PRKAA1: variants seen among roughly 807,000 people sequenced by gnomAD.
The protein encoded by PRKAA1 is 5'-AMP-activated protein kinase catalytic subunit alpha-1.
Under a neutral mutation model 56.9 loss-of-function variants are expected in PRKAA1, and 23 were observed. That is an observed-to-expected ratio of 0.40 (90% CI 0.29 to 0.57). The LOEUF is 0.57. Ranked by LOEUF, PRKAA1 falls within the 20% of genes least tolerant of loss-of-function variation. The probability of loss-of-function intolerance (pLI) is 0.39; values close to 1 mark genes in which losing one functional copy is unlikely to be tolerated. For synonymous variants in PRKAA1, 226 were observed against 227.0 expected, an observed-to-expected ratio of 1.00 and a Z score of 0.04; for missense variants, 413 against 679.7, an observed-to-expected ratio of 0.61 and a Z score of 4.36.
At chr5:40,782,114 G>A (rs1401306989) in intron 1 of PRKAA1, among the ~76,000 whole-genome samples, 1 of 152,272 alleles carries the variant, frequency 6.6e-6, no homozygotes, top group East Asian at 1.9e-4. Context: ...CACAATACTG[G>A]ATAATACTGG....
rs535980948 is a variant in PRKAA1 at position 40,797,724 on chromosome 5, C to T, written c.127+339G>A. 2.1e-4 allele frequency among the ~76,000 whole-genome samples: 32 copies of T among 152,332 alleles called. No individual in the cohort carries two copies. The East Asian group carries it at 6.2e-3, about 29-fold the overall frequency. ...CCGCCTCCCCGGGGATCGCGCCCGG[C>T]GCCCCCTCCCAGCACCCAGAGCGCG... is the stretch of plus-strand genomic sequence containing the variant. On this transcript the variant is annotated intron_variant, in intron 1 of 8. Coordinates refer to ENST00000397128, the MANE Select transcript of PRKAA1 (RefSeq NM_006251.6).
chr5:40,798,127 C>T lies in PRKAA1; in HGVS notation c.63G>A (p.Arg21=). The T allele has an allele frequency of 6.2e-7, 1 of 1,607,932 alleles. No individual in the cohort carries two copies. Among genetic ancestry groups the T allele is most frequent in the Non-Finnish European group, 8.5e-7 (1 of 1,176,666 alleles). The part of the protein sequence containing the change: ...ATAEKQKHDG[R]VKIGHYILGD... ...CCAGAATGTAGTGGCCGATCTTCACCCGCCCGTCGTGTTTCTGCTTCTCGG... is the reference window on the plus strand; with the variant it reads ...CCAGAATGTAGTGGCCGATCTTCACTCGCCCGTCGTGTTTCTGCTTCTCGG... Residue 21 remains arginine (R), a synonymous_variant, in exon 1 of 9, where the codon CGG becomes CGA. Transcript: ENST00000397128.
chr5:40,759,450 T>A lies in PRKAA1; in HGVS notation c.*3328A>T, dbSNP rs542821753. ...ATCAAGGAAGCTGAAATTATATACT[T>A]AAATATACTCTGGTCAAAATATACA... On this transcript the variant is annotated 3_prime_UTR_variant, in exon 9 of 9. Coordinates refer to ENST00000397128, the MANE Select transcript of PRKAA1 (RefSeq NM_006251.6). 1.3e-5 allele frequency: 2 copies of A among 152,440 alleles called. No individual in the cohort carries two copies. Among genetic ancestry groups the A allele is most frequent in the South Asian group, 4.1e-4 (2 of 4,822 alleles). 9.4% of individuals were successfully genotyped at this position (152,440 alleles called of 1,614,324 possible).
At chr5:40,775,294 A>C in intron 3 of PRKAA1, 116 bp downstream of exon 3, 2 of 772,242 alleles carry the variant, frequency 2.6e-6, no homozygotes, top group South Asian at 3.0e-5. Flanking sequence ...CAAATATATG[A>C]CTAAGGGAAC....
At chr5:40,783,524 G>A (rs748328279) in intron 1 of PRKAA1, among the ~76,000 whole-genome samples, 36 of 152,200 alleles carry the variant, frequency 2.4e-4, no homozygotes, top group African/African-American at 8.4e-4. Context: ...TTTGGAGGAC[G>A]AGGTGGGTGG....
intron 4 of PRKAA1, among the ~76,000 whole-genome samples, chr5:40,770,261 G>C (rs1743670185): frequency 6.6e-6 from 1 of 152,110 alleles, no homozygotes; most frequent in South Asian, 2.1e-4. Context: ...TCAGGAGTTC[G>C]AGTCCGGCCT....
At chr5:40,782,770 C>T (rs968104852) in intron 1 of PRKAA1, among the ~76,000 whole-genome samples, 12 of 152,064 alleles carry the variant, frequency 7.9e-5, no homozygotes, top group African/African-American at 2.9e-4. Flanking sequence ...GTGGTAACTA[C>T]GGAATAGGGA....
chr5:40,772,626 C>T (rs1488780772), intron 3 of PRKAA1, among the ~76,000 whole-genome samples: 2 of 149,594 alleles, frequency 1.3e-5, no homozygotes, highest in Admixed American at 6.7e-5. Flanking sequence ...TTTGGGGGGG[C>T]GGGGTTTTAA....
chr5:40,767,282 C>T (rs909612166), intron 6 of PRKAA1, among the ~76,000 whole-genome samples, 184 bp downstream of exon 6: 4 of 152,110 alleles, frequency 2.6e-5, no homozygotes, highest in Non-Finnish European at 4.4e-5. Flanking sequence ...AATCTTACTT[C>T]CCTAAGGTAA....
Position 40,761,415 on chromosome 5 carries a change from A to G in PRKAA1, c.*1363T>C, listed in dbSNP as rs1743181184. 1 of 152,172 alleles carries G rather than the reference A, an allele frequency of 6.6e-6. No individual in the cohort carries two copies. Among genetic ancestry groups the G allele is most frequent in the Non-Finnish European group, 1.5e-5 (1 of 68,000 alleles). The allele number at this position is 152,172 out of a possible 1,614,324, so 9.4% of individuals were successfully genotyped here. Reference sequence around the variant, plus strand: ...AACATCCAAATGGTTCAGGGGGAAAAAAGCATATATACATACACAAACAAA... The same window carrying G: ...AACATCCAAATGGTTCAGGGGGAAAGAAGCATATATACATACACAAACAAA... On this transcript the variant is annotated 3_prime_UTR_variant, in exon 9 of 9. Transcript: ENST00000397128.
chr5:40,769,294 T>G (rs1177311699), intron 5 of PRKAA1, 122 bp downstream of exon 5: 1 of 771,366 alleles, frequency 1.3e-6, no homozygotes, highest in Non-Finnish European at 2.1e-6. Flanking sequence ...TAAATGTGGT[T>G]AAGAATAAGC....
Position 40,762,969 on chromosome 5 carries a change from C to A in PRKAA1, c.1489G>T (p.Val497Phe). The A allele has an allele frequency of 3.7e-6, 6 of 1,614,140 alleles. No individual in the cohort carries two copies. Among genetic ancestry groups the A allele is most frequent in the Non-Finnish European group, 5.1e-6 (6 of 1,180,012 alleles). Reference sequence around the variant, plus strand: ...CTTTGGCAAGATCGATAGTTGCTAACTGATCCCGATCTCTGTGGAGTAGCA... The same window carrying A: ...CTTTGGCAAGATCGATAGTTGCTAAATGATCCCGATCTCTGTGGAGTAGCA... ...GTATPQRSGSVSNYRSCQRSD... is the reference protein window; with the variant it reads ...GTATPQRSGSFSNYRSCQRSD... Residue 497 changes from valine to phenylalanine, a missense_variant, in exon 9 of 9, where the codon GTT (valine) becomes TTT (phenylalanine). This residue lies in a region of PRKAA1 where 139 missense variants were observed against 171.5 expected (regional missense o/e 0.81). Coordinates refer to ENST00000397128, the MANE Select transcript of PRKAA1 (RefSeq NM_006251.6).
At chr5:40,764,720 T>C (rs1239573037) in intron 7 of PRKAA1, 32 bp downstream of exon 7, 1 of 1,604,048 alleles carries the variant, frequency 6.2e-7, no homozygotes, top group Admixed American at 1.7e-5. Flanking sequence ...TTGCCAAATA[T>C]GCTAATAATC....
At chr5:40,778,586 C>T (rs1281635076) in intron 1 of PRKAA1, among the ~76,000 whole-genome samples, 2 of 151,994 alleles carry the variant, frequency 1.3e-5, no homozygotes, top group Non-Finnish European at 2.9e-5. Flanking sequence ...GATATTAAAA[C>T]ATATAGAAAT....
chr5:40,785,489 C>T (rs563054819), intron 1 of PRKAA1, among the ~76,000 whole-genome samples: 1 of 152,146 alleles, frequency 6.6e-6, no homozygotes, highest in South Asian at 2.1e-4. Context: ...ATCCGCCCCC[C>T]CTCGGCCTCC....
chr5:40,782,112 T>C (rs1744288816), intron 1 of PRKAA1, among the ~76,000 whole-genome samples: 1 of 152,156 alleles, frequency 6.6e-6, no homozygotes, highest in Non-Finnish European at 1.5e-5. Context: ...GCCACAATAC[T>C]GGATAATACT....
At chr5:40,765,504 CA>C (rs1743386976) in intron 6 of PRKAA1, among the ~76,000 whole-genome samples, 1 of 151,982 alleles carries the variant, frequency 6.6e-6, no homozygotes. Context: ...ATGACAGCGA[CA>C]AACAATGAAA....
intron 5 of PRKAA1, chr5:40,768,624 G>C: frequency 1.8e-6 from 2 of 1,114,706 alleles, no homozygotes; most frequent in Non-Finnish European, 2.2e-6. Context: ...TCTTTGAGCA[G>C]TCTAGGCCAA....
At chr5:40,791,741 T>C (rs937618185) in intron 1 of PRKAA1, among the ~76,000 whole-genome samples, 2 of 152,176 alleles carry the variant, frequency 1.3e-5, no homozygotes, top group Non-Finnish European at 1.5e-5. Context: ...CAAACAAACA[T>C]TTCAAGCACA....
Sources: allele counts gnomAD v4.1 joint callset (sites outside exome capture counted in the v4.1 genomes callset), GRCh38; gene constraint gnomAD v4.1.1; regional missense constraint gnomAD v4.1.1; transcripts MANE v1.5; gene names NCBI Gene and HGNC (gene_info 2026-07-23, HGNC 2026-07-21).